Variants in PRKG1 observed in about 807,000 individuals in gnomAD.
PRKG1 encodes protein kinase cGMP-dependent 1, also known as cGMP-dependent protein kinase 1.
In PRKG1, 35 loss-of-function variants were observed where a neutral mutation model predicts 88.1. The observed-to-expected ratio is 0.40, with a 90% CI of 0.30 to 0.53. The LOEUF (loss-of-function observed/expected upper bound fraction) is 0.53, where lower values mean the gene tolerates loss of function less well. Ranked by LOEUF, PRKG1 falls within the 20% of genes least tolerant of loss-of-function variation. The pLI is 0.59. For synonymous variants in PRKG1, 303 were observed against 292.5 expected (o/e 1.04, Z -0.37); for missense variants, 540 against 839.8 (o/e 0.64, Z 4.41).
At position 51,870,064 on chromosome 10, in the gene PRKG1, A is replaced by G. The variant is rs556897852; in HGVS notation, c.699-37443A>G. ...TTGCATTCTCTTTCATACTTCCCCC[A>G]ACAAACTATTTTCCAAGTTTAAAAA... On this transcript the variant is annotated intron_variant, in intron 4 of 17. Coordinates refer to ENST00000373980, the MANE Select transcript of PRKG1 (RefSeq NM_006258.4). Among the ~76,000 whole-genome samples, 12 of 152,316 alleles carry G rather than the reference A, an allele frequency of 7.9e-5. No homozygotes were observed. In the South Asian group the frequency reaches 2.3e-3, roughly 29 times the overall value.
chr10:51,668,530 C>T (rs1266529646), intron 3 of PRKG1, among the ~76,000 whole-genome samples: 3 of 152,158 alleles, frequency 2.0e-5, no homozygotes, highest in African/African-American at 7.2e-5. Context: ...ACCACTGTGG[C>T]TAGCCCTTTT....
chr10:51,293,754 G>C (rs1840644434), intron 2 of PRKG1, among the ~76,000 whole-genome samples: 1 of 152,054 alleles, frequency 6.6e-6, no homozygotes, highest in Non-Finnish European at 1.5e-5. Context: ...TGGGATTGCT[G>C]AATCATAGTT....
intron 3 of PRKG1, among the ~76,000 whole-genome samples, chr10:51,622,135 T>G (rs1839225883): frequency 6.6e-6 from 1 of 152,124 alleles, no homozygotes; most frequent in Non-Finnish European, 1.5e-5. Flanking sequence ...CTTATAAAAA[T>G]ATAGAAAATC....
intron 5 of PRKG1, among the ~76,000 whole-genome samples, chr10:52,050,558 G>A (rs1156544626): frequency 6.6e-6 from 1 of 152,086 alleles, no homozygotes; most frequent in Non-Finnish European, 1.5e-5. Flanking sequence ...TTTCAGAATA[G>A]CTTAGTCATT....
intron 2 of PRKG1, among the ~76,000 whole-genome samples, chr10:51,215,838 T>C (rs11592782): frequency 2.0e-5 from 3 of 152,274 alleles, no homozygotes; most frequent in African/African-American, 7.2e-5. Flanking sequence ...GTTATAACAG[T>C]GATAGGTGTA....
intron 3 of PRKG1, among the ~76,000 whole-genome samples, chr10:51,683,099 A>G (rs1190652341): frequency 6.6e-6 from 1 of 152,238 alleles, no homozygotes; most frequent in African/African-American, 2.4e-5. Context: ...AATAGATCAC[A>G]GGGAACAGAC....
intron 3 of PRKG1, among the ~76,000 whole-genome samples, chr10:51,626,012 A>T (rs1329139841): frequency 6.6e-6 from 1 of 152,162 alleles, no homozygotes; most frequent in Non-Finnish European, 1.5e-5. Context: ...TAGTAATTTT[A>T]TTTTACTTGC....
intron 3 of PRKG1, among the ~76,000 whole-genome samples, chr10:51,778,305 A>G (rs1001061854): frequency 5.3e-5 from 8 of 152,224 alleles, no homozygotes; most frequent in African/African-American, 1.9e-4. Flanking sequence ...GAACGTAGAA[A>G]TGTTCTCAGG....
At chr10:52,013,447 A>T (rs1589517737) in intron 5 of PRKG1, among the ~76,000 whole-genome samples, 1 of 149,238 alleles carries the variant, frequency 6.7e-6, no homozygotes, top group African/African-American at 2.5e-5. Flanking sequence ...GATGGTTGGG[A>T]GGTTGTTGGG....
intron 9 of PRKG1, among the ~76,000 whole-genome samples, chr10:52,221,159 C>A (rs1262640537): frequency 6.6e-6 from 1 of 151,796 alleles, no homozygotes; most frequent in Non-Finnish European, 1.5e-5. Context: ...TAATGCTGAG[C>A]TTTTTTTTCA....
Position 50,994,492 on chromosome 10 carries a change from G to A in PRKG1, c.266+2848G>A, listed in dbSNP as rs1463847559. The stretch of plus-strand genomic sequence containing the variant: ...TGGTGCGATCTCCGGCTCACTGCAA[G>A]CTCCGCCTCCCGCGTTCACGCCATT... On this transcript the variant is annotated intron_variant, in intron 1 of 17. Coordinates refer to the PRKG1 transcript ENST00000401604. 2.2e-5 allele frequency among the ~76,000 whole-genome samples: 3 copies of A among 136,600 alleles called. No homozygotes were observed. The East Asian group carries it at 6.4e-4, about 29-fold the overall frequency. 89.6% of individuals were successfully genotyped at this position (136,600 alleles called of 152,430 possible).
chr10:52,124,750 T>C (rs1847893774), intron 7 of PRKG1, among the ~76,000 whole-genome samples: 1 of 145,738 alleles, frequency 6.9e-6, no homozygotes, highest in East Asian at 1.9e-4. Flanking sequence ...AGAAATAGTT[T>C]CTTCTTTACA....
intron 4 of PRKG1, among the ~76,000 whole-genome samples, chr10:51,834,346 A>G (rs1042757144): frequency 6.6e-6 from 1 of 152,084 alleles, no homozygotes; most frequent in African/African-American, 2.4e-5. Context: ...ATTTATTGAA[A>G]GTAAGGGAGG....
chr10:51,652,850 G>A (rs1473142606), intron 3 of PRKG1, among the ~76,000 whole-genome samples: 2 of 152,064 alleles, frequency 1.3e-5, no homozygotes, highest in African/African-American at 2.4e-5. Context: ...TTGAAACTTT[G>A]AGCCCTTTGA....
At position 52,270,343 on chromosome 10, in the gene PRKG1, C is replaced by T. The variant is rs1841687126; in HGVS notation, c.1174-1007C>T. ...CTCACAGATCTAGAACTAGAAATAC[C>T]ATTTGACCCAGCCATCCCATTACTG... is the stretch of plus-strand genomic sequence containing the variant. On this transcript the variant is annotated intron_variant, in intron 10 of 17. Transcript: ENST00000373980. Among the ~76,000 whole-genome samples, 3 of 152,154 alleles carry T rather than the reference C, an allele frequency of 2.0e-5. No individual in the cohort carries two copies. In the South Asian group the frequency reaches 6.2e-4, roughly 32 times the overall value.
intron 4 of PRKG1, among the ~76,000 whole-genome samples, chr10:51,838,675 T>C (rs902207658): frequency 9.2e-5 from 14 of 152,164 alleles, no homozygotes; most frequent in Non-Finnish European, 2.1e-4. Flanking sequence ...AAAGCAGAGA[T>C]TGTTTTGGGA....
At chr10:51,596,108 C>T (rs989472634) in intron 3 of PRKG1, among the ~76,000 whole-genome samples, 1 of 152,150 alleles carries the variant, frequency 6.6e-6, no homozygotes, top group Non-Finnish European at 1.5e-5. Context: ...GGATTACAGG[C>T]GTGAGTCACC....
intron 2 of PRKG1, among the ~76,000 whole-genome samples, chr10:51,374,093 A>AATATATATATAT (rs58198784): frequency 6.0e-5 from 6 of 100,136 alleles, no homozygotes; most frequent in East Asian, 2.5e-4. Flanking sequence ...AAAAAAAAAA[A>AATATATATATAT]ATATATATAT....
chr10:51,078,590 ATATT>A (rs35676352), intron 1 of PRKG1, among the ~76,000 whole-genome samples: 58,652 of 136,934 alleles, frequency 0.43, 12,655 homozygotes, highest in African/African-American at 0.49. Context: ...ATATTTATTT[ATATT>A]TATTTATTTA....
Sources: gnomAD v4.1 joint callset for allele counts (sites outside exome capture counted in the v4.1 genomes callset) on GRCh38, gnomAD v4.1.1 for gene constraint, MANE v1.5 for transcripts, NCBI Gene and HGNC (gene_info 2026-07-23, HGNC 2026-07-21) for gene names.